The following WWOX variants were observed in gnomAD, a reference collection of about 807,000 sequenced individuals.
WWOX encodes the protein WW domain-containing oxidoreductase.
A neutral mutation model predicts 46.2 loss-of-function variants in WWOX; 69 were observed. The ratio of observed to expected loss-of-function variants is 1.49; its 90% CI spans 1.23 to 1.82. The LOEUF (loss-of-function observed/expected upper bound fraction) is 1.82, where lower values mean the gene tolerates loss of function less well. Ranked by LOEUF, WWOX falls within the 40% of genes most tolerant of loss-of-function variation. WWOX has a pLI of 0.00. For missense variants in WWOX, 919 were observed against 542.6 expected (o/e 1.69, Z -6.89); for synonymous variants, 359 against 202.6 (o/e 1.77, Z -6.56).
chr16:78,469,900 C>T (rs1334204572), intron 8 of WWOX, among the ~76,000 whole-genome samples: 1 of 152,192 alleles, frequency 6.6e-6, no homozygotes, highest in Non-Finnish European at 1.5e-5. Flanking sequence ...TTAGATAGAG[C>T]CAATAAGATG....
At chr16:78,810,897 G>A (rs912813232) in intron 8 of WWOX, among the ~76,000 whole-genome samples, 1 of 152,218 alleles carries the variant, frequency 6.6e-6, no homozygotes, top group Admixed American at 6.5e-5. Flanking sequence ...AGACAGTAAT[G>A]CTGTGTGGAC....
chr16:78,339,331 T>G (rs73576471), intron 5 of WWOX, among the ~76,000 whole-genome samples: 2 of 112,488 alleles, frequency 1.8e-5, no homozygotes, highest in East Asian at 3.9e-4. Context: ...CCTCAAACTT[T>G]CATGTGATTG....
At position 79,115,081 on chromosome 16, in the gene WWOX, C is replaced by T. The variant is rs1031398535; in HGVS notation, c.1057-96527C>T. Among the ~76,000 whole-genome samples, 9 of 152,158 alleles carry T rather than the reference C, an allele frequency of 5.9e-5. No individual in the cohort carries two copies. The East Asian group carries it at 1.7e-3, about 29-fold the overall frequency. On this transcript the variant is annotated intron_variant, in intron 8 of 8. Coordinates refer to ENST00000566780, the MANE Select transcript of WWOX (RefSeq NM_016373.4). ...CTTGTGCCTCCAGTGTGGGAAGGGA[C>T]CAGGTCCCTCAATGCTGCCGCCTCC...
intron 8 of WWOX, among the ~76,000 whole-genome samples, chr16:78,638,635 C>G (rs1423904486): frequency 1.3e-5 from 2 of 152,128 alleles, no homozygotes; most frequent in African/African-American, 4.8e-5. Flanking sequence ...TTCCATGGTG[C>G]CCCAGCAGCA....
chr16:78,704,850 G>A (rs1382009561), intron 8 of WWOX, among the ~76,000 whole-genome samples: 1 of 151,864 alleles, frequency 6.6e-6, no homozygotes, highest in East Asian at 1.9e-4. Context: ...ACATTACGTG[G>A]CTTCTTTTGT....
intron 8 of WWOX, among the ~76,000 whole-genome samples, chr16:78,765,339 C>T (rs1261683795): frequency 6.6e-6 from 1 of 152,196 alleles, no homozygotes; most frequent in Non-Finnish European, 1.5e-5. Flanking sequence ...AGGGTGAGGG[C>T]TTTGCTCTGA....
intron 8 of WWOX, among the ~76,000 whole-genome samples, chr16:78,885,538 G>C (rs530159343): frequency 6.6e-6 from 1 of 152,328 alleles, no homozygotes; most frequent in South Asian, 2.1e-4. Flanking sequence ...ATTATGGGCA[G>C]ATTGTGAGAA....
chr16:79,003,172 A>G (rs957168229), intron 8 of WWOX, among the ~76,000 whole-genome samples: 1 of 152,236 alleles, frequency 6.6e-6, no homozygotes, highest in Non-Finnish European at 1.5e-5. Flanking sequence ...TCTAACTTTG[A>G]GAGCCCAATA....
intron 8 of WWOX, among the ~76,000 whole-genome samples, chr16:79,013,646 C>T (rs1329080979): frequency 2.0e-5 from 3 of 152,108 alleles, no homozygotes; most frequent in African/African-American, 7.2e-5. Flanking sequence ...CGGGTCTCCT[C>T]GGAGGTCGGT....
intron 8 of WWOX, among the ~76,000 whole-genome samples, chr16:78,908,751 C>A (rs1411872871): frequency 6.6e-6 from 1 of 152,000 alleles, no homozygotes; most frequent in Non-Finnish European, 1.5e-5. Context: ...TGAGTCAGTT[C>A]CTGGGTGGGA....
intron 8 of WWOX, among the ~76,000 whole-genome samples, chr16:78,978,410 C>G (rs1460500220): frequency 6.6e-6 from 1 of 152,144 alleles, no homozygotes; most frequent in Non-Finnish European, 1.5e-5. Context: ...GGGGAAATAT[C>G]AAACCGTTTT....
chr16:78,112,745 G>A (rs953058869), intron 3 of WWOX, among the ~76,000 whole-genome samples: 6 of 149,468 alleles, frequency 4.0e-5, no homozygotes, highest in African/African-American at 1.2e-4. Flanking sequence ...CTTATCCAGG[G>A]CTGAGGTGCA....
At chr16:78,795,456 C>A (rs183737687) in intron 8 of WWOX, among the ~76,000 whole-genome samples, 7 of 151,818 alleles carry the variant, frequency 4.6e-5, no homozygotes, top group Non-Finnish European at 7.4e-5. Context: ...TAGTACTTGT[C>A]TTCAACCTCC....
chr16:78,770,208 G>A (rs527991785), intron 8 of WWOX, among the ~76,000 whole-genome samples: 2 of 152,152 alleles, frequency 1.3e-5, no homozygotes, highest in South Asian at 2.1e-4. Context: ...AAAGTGAGTC[G>A]GGGTTGGTGG....
rs1201622271 is a variant in WWOX, at chr16:78,343,536, A to C, written c.517-43324A>C. Among the ~76,000 whole-genome samples, 3 of 121,090 alleles carry C rather than the reference A, an allele frequency of 2.5e-5. No individual in the cohort carries two copies. In the East Asian group the frequency reaches 5.8e-4, roughly 23 times the overall value. The allele number at this position is 121,090 out of a possible 152,430, so 79.4% of individuals were successfully genotyped here. On this transcript the variant is annotated intron_variant, in intron 5 of 8. Coordinates refer to ENST00000566780, the MANE Select transcript of WWOX (RefSeq NM_016373.4). ...GAGCTGGGTCTTAAAGCTTCTGGGCACAGCCCCCCTTGAGTCTTCATTATG... is the reference window on the plus strand; with the variant it reads ...GAGCTGGGTCTTAAAGCTTCTGGGCCCAGCCCCCCTTGAGTCTTCATTATG...
intron 8 of WWOX, among the ~76,000 whole-genome samples, chr16:78,828,298 G>A (rs543863882): frequency 4.6e-5 from 7 of 152,252 alleles, no homozygotes; most frequent in African/African-American, 1.4e-4. Flanking sequence ...GGACCTGGGT[G>A]TTAATCCAGG....
intron 8 of WWOX, among the ~76,000 whole-genome samples, chr16:78,539,130 C>G (rs1462982856): frequency 6.6e-6 from 1 of 152,196 alleles, no homozygotes; most frequent in Non-Finnish European, 1.5e-5. Context: ...GTCTGTAGGC[C>G]TTTAATGATG....
At chr16:79,152,847 G>C (rs2050308034) in intron 8 of WWOX, among the ~76,000 whole-genome samples, 1 of 152,138 alleles carries the variant, frequency 6.6e-6, no homozygotes, top group Non-Finnish European at 1.5e-5. Context: ...CAGCTTGTGA[G>C]CTCACTCCCT....
rs200815431 is a variant in WWOX, at chr16:79,211,747, C to A, written c.1196C>A (p.Ala399Glu). The change falls in exon 9 of 9, where the codon GCG becomes GAG. Residue 399 changes from alanine (A) to glutamate (E), a missense_variant. Transcript: ENST00000566780. ...QSEETARTLW[A>E]LSERLIQERL... is the part of the protein sequence containing the mutation. ...GAAGAGACGGCCCGGACCCTGTGGGCGCTCAGCGAGAGGCTGATCCAAGAA... is the reference window on the plus strand; with the variant it reads ...GAAGAGACGGCCCGGACCCTGTGGGAGCTCAGCGAGAGGCTGATCCAAGAA... The A allele has an allele frequency of 6.2e-7, 1 of 1,614,178 alleles. No homozygotes were observed. Among genetic ancestry groups the A allele is most frequent in the South Asian group, 1.1e-5 (1 of 91,082 alleles).
Sources: allele counts gnomAD v4.1 joint callset (sites outside exome capture counted in the v4.1 genomes callset), GRCh38; gene constraint gnomAD v4.1.1; transcripts MANE v1.5; gene names NCBI Gene and HGNC (gene_info 2026-07-23, HGNC 2026-07-21).